FNBP1: variants seen among roughly 807,000 people sequenced by gnomAD.
FNBP1 encodes the protein formin binding protein 1.
In FNBP1, 26 loss-of-function variants were observed where a neutral mutation model predicts 90.6. That is an observed-to-expected ratio of 0.29 (90% CI 0.21 to 0.40). FNBP1 has a LOEUF of 0.40. Ranked by LOEUF, FNBP1 falls within the 10% of genes least tolerant of loss-of-function variation. FNBP1 has a pLI of 1.00. For missense variants in FNBP1, 635 were observed against 768.0 expected (o/e 0.83, Z 2.05); for synonymous variants, 260 against 265.2 (o/e 0.98, Z 0.19).
intron 6 of FNBP1, among the ~76,000 whole-genome samples, chr9:129,942,578 G>C (rs2044484239): frequency 6.6e-6 from 1 of 152,170 alleles, no homozygotes; most frequent in African/African-American, 2.4e-5. Context: ...AAAGCTGAAT[G>C]GTAAACTGGC....
Position 130,026,516 on chromosome 9 carries a change from T to C in FNBP1, c.24+16436A>G, listed in dbSNP as rs562345733. On this transcript the variant is annotated intron_variant, in intron 1 of 16. Coordinates refer to ENST00000446176, the MANE Select transcript of FNBP1 (RefSeq NM_015033.3). ...CTCAAAAAAACAAACAAAAAAAAGA[T>C]CTTAAAATAAATATTCTTTCAAGAT... Among the ~76,000 whole-genome samples the C allele has an allele frequency of 2.0e-5, 3 of 151,656 alleles. No individual in the cohort carries two copies. The South Asian group carries it at 6.3e-4, about 32-fold the overall frequency.
At chr9:129,960,582 G>A (rs1010832416) in intron 4 of FNBP1, among the ~76,000 whole-genome samples, 3 of 152,116 alleles carry the variant, frequency 2.0e-5, no homozygotes, top group Non-Finnish European at 2.9e-5. Context: ...TTAACCTGGC[G>A]GCCAGATCTG....
At chr9:130,012,386 T>TTCA (rs758363834) in intron 1 of FNBP1, among the ~76,000 whole-genome samples, 25 of 152,032 alleles carry the variant, frequency 1.6e-4, no homozygotes, top group Non-Finnish European at 2.2e-4. Context: ...TGCTATCATT[T>TTCA]TCATCATCAT....
chr9:130,016,854 G>A (rs1193875038), intron 1 of FNBP1, among the ~76,000 whole-genome samples: 2 of 152,212 alleles, frequency 1.3e-5, no homozygotes, highest in African/African-American at 2.4e-5. Context: ...CACATACGTA[G>A]TTTATTATGT....
At chr9:129,933,106 T>C (rs563484306) in intron 6 of FNBP1, among the ~76,000 whole-genome samples, 5 of 152,186 alleles carry the variant, frequency 3.3e-5, no homozygotes, top group African/African-American at 1.2e-4. Context: ...GCTCAGGAGG[T>C]AGTTTCCCCG....
At chr9:129,931,350 T>A (rs1221129602) in intron 6 of FNBP1, among the ~76,000 whole-genome samples, 1 of 152,022 alleles carries the variant, frequency 6.6e-6, no homozygotes, top group Admixed American at 6.6e-5. Context: ...ACGCCTGTAA[T>A]CCTAACACTT....
In FNBP1 at chr9:129,978,534, C is replaced by T. The variant is rs2050703047; in HGVS notation, c.276G>A (p.Glu92=). 1.2e-6 allele frequency: 2 copies of T among 1,613,682 alleles called. No homozygotes were observed. Among genetic ancestry groups the T allele is most frequent in the African/African-American group, 1.3e-5 (1 of 74,904 alleles). The change falls in exon 4 of 17, where the codon GAG becomes GAA. Residue 92 remains glutamate (E), a synonymous_variant. Transcript: ENST00000446176. Reference sequence around the variant, plus strand: ...CCACAATGATCTGTGATGCCATGTTCTCGGAGATAACTTCATGCTGCCCTG... The same window carrying T: ...CCACAATGATCTGTGATGCCATGTTTTCGGAGATAACTTCATGCTGCCCTG... ...DYAGQHEVIS[E]NMASQIIVDL...
At chr9:130,033,839 A>G (rs1019332268) in intron 1 of FNBP1, among the ~76,000 whole-genome samples, 7 of 78,068 alleles carry the variant, frequency 9.0e-5, no homozygotes, top group South Asian at 6.8e-4. Context: ...CGCCTCTACT[A>G]AAAATACAAA....
chr9:129,948,115 C>A (rs1399470457), intron 6 of FNBP1, among the ~76,000 whole-genome samples: 1 of 151,672 alleles, frequency 6.6e-6, no homozygotes, highest in African/African-American at 2.4e-5. Context: ...CATAGGGAGA[C>A]CCCGTCTCTA....
intron 6 of FNBP1, among the ~76,000 whole-genome samples, chr9:129,938,493 A>G (rs2132262485): frequency 6.6e-6 from 1 of 152,182 alleles, no homozygotes; most frequent in African/African-American, 2.4e-5. Context: ...ACTTCAAAAT[A>G]AGTTAACCAA....
chr9:130,004,234 G>C (rs1046548711), intron 1 of FNBP1, among the ~76,000 whole-genome samples: 1 of 151,472 alleles, frequency 6.6e-6, no homozygotes, highest in African/African-American at 2.4e-5. Flanking sequence ...CTGTACTCCA[G>C]CCTGGGTGAT....
chr9:129,958,766 A>T (rs955702076), intron 4 of FNBP1, among the ~76,000 whole-genome samples: 3 of 151,794 alleles, frequency 2.0e-5, no homozygotes, highest in African/African-American at 7.3e-5. Context: ...GAATCGCTTG[A>T]GCCAAGGAGT....
At position 129,887,365 on chromosome 9, in the gene FNBP1, T is replaced by C. The variant is rs1588302891; in HGVS notation, c.*3174A>G. The C allele has an allele frequency of 1.5e-5, 3 of 200,410 alleles. No individual in the cohort carries two copies. The highest frequency in any genetic ancestry group is 3.1e-5 in the Non-Finnish European group (3 of 96,924). 12.4% of individuals were successfully genotyped at this position (200,410 alleles called of 1,614,324 possible). On this transcript the variant is annotated 3_prime_UTR_variant, in exon 17 of 17. Transcript: ENST00000446176. ...AAATGCCTCCAAAGTTTAGAATTAG[T>C]GCAACACACATACGAACATTTTAAA...
At position 130,031,955 on chromosome 9, in the gene FNBP1, C is replaced by T. The variant is rs1362427911; in HGVS notation, c.24+10997G>A. On this transcript the variant is annotated intron_variant, in intron 1 of 16. Transcript: ENST00000446176. The surrounding 1 kb of genome is among the most constrained non-coding windows in gnomAD (Gnocchi z 4.2). ...GGTATTACAGGAGTGAGCCACTGCG[C>T]CTGGCCTGATGAAATTTTTACAATT... 6.6e-6 allele frequency among the ~76,000 whole-genome samples: 1 copy of T among 152,122 alleles called. No individual in the cohort carries two copies. The highest frequency in any genetic ancestry group is 1.5e-5 in the Non-Finnish European group (1 of 68,034).
rs900864382 is a variant in FNBP1 at position 129,887,615 on chromosome 9, G to A, written c.*2924C>T. On this transcript the variant is annotated 3_prime_UTR_variant, in exon 17 of 17. Coordinates refer to ENST00000446176, the MANE Select transcript of FNBP1 (RefSeq NM_015033.3). The stretch of plus-strand genomic sequence containing the variant: ...GCTGCGCTGGTTAGACAAGCCGCAG[G>A]CTTATCTCCACGGTGAGCAGGATAA... 1 of 216,992 alleles carries A rather than the reference G, an allele frequency of 4.6e-6. No individual in the cohort carries two copies. The highest frequency in any genetic ancestry group is 9.3e-6 in the Non-Finnish European group (1 of 107,928). The allele number at this position is 216,992 out of a possible 1,614,324, so 13.4% of individuals were successfully genotyped here.
the FNBP1 span, among the ~76,000 whole-genome samples, chr9:130,052,652 C>T: frequency 6.6e-6 from 1 of 151,732 alleles, no homozygotes; most frequent in Non-Finnish European, 1.5e-5. Context: ...CAGGCTGGTC[C>T]CGAACAACTG....
At chr9:129,936,149 G>A (rs1020061341) in intron 6 of FNBP1, among the ~76,000 whole-genome samples, 2 of 152,140 alleles carry the variant, frequency 1.3e-5, no homozygotes, top group African/African-American at 4.8e-5. Context: ...AAAGTTTGGG[G>A]AAAGCCATGT....
At chr9:130,032,997 C>A (rs2058939193) in intron 1 of FNBP1, among the ~76,000 whole-genome samples, 2 of 151,974 alleles carry the variant, frequency 1.3e-5, no homozygotes, top group African/African-American at 4.8e-5. Context: ...ACATGTACAC[C>A]AAATTTTAAA....
intron 11 of FNBP1, among the ~76,000 whole-genome samples, chr9:129,909,533 A>C (rs1248253574): frequency 6.6e-6 from 1 of 151,896 alleles, no homozygotes; most frequent in Non-Finnish European, 1.5e-5. Flanking sequence ...CACATTCCTC[A>C]GAGAATGTGG....
Sources: gnomAD v4.1 joint callset for allele counts (sites outside exome capture counted in the v4.1 genomes callset) on GRCh38, gnomAD v4.1.1 for gene constraint, Gnocchi (gnomAD v3.1) non-coding constraint, MANE v1.5 for transcripts, NCBI Gene and HGNC (gene_info 2026-07-23, HGNC 2026-07-21) for gene names.